CDH18: variants seen among roughly 807,000 people sequenced by gnomAD.
CDH18 encodes cadherin-18.
Under a neutral mutation model 67.9 loss-of-function variants are expected in CDH18, and 31 were observed. The observed-to-expected ratio is 0.46, with a 90% CI of 0.34 to 0.62. The LOEUF is 0.62. Ranked by LOEUF, CDH18 falls within the 20% of genes least tolerant of loss-of-function variation. CDH18 has a pLI of 0.01. For synonymous variants in CDH18, 362 were observed against 347.2 expected, an observed-to-expected ratio of 1.04 and a Z score of -0.48; for missense variants, 890 against 975.5, an observed-to-expected ratio of 0.91 and a Z score of 1.17.
At chr5:20,070,371 G>C (rs1027866342) in intron 2 of CDH18, among the ~76,000 whole-genome samples, 1 of 152,078 alleles carries the variant, frequency 6.6e-6, no homozygotes, top group African/African-American at 2.4e-5. Context: ...TTTTTGGTAA[G>C]ATTATTGTCT....
intron 10 of CDH18, among the ~76,000 whole-genome samples, chr5:19,518,712 T>C (rs1746419688): frequency 6.6e-6 from 1 of 152,168 alleles, no homozygotes; most frequent in South Asian, 2.1e-4. Context: ...GGCCACAGGC[T>C]GAAAGCTGCA....
At chr5:19,695,926 G>T (rs1476462284) in intron 5 of CDH18, among the ~76,000 whole-genome samples, 1 of 152,102 alleles carries the variant, frequency 6.6e-6, no homozygotes, top group East Asian at 1.9e-4. Context: ...CAAATAAGAT[G>T]ATCTATTTTG....
At chr5:19,881,540 C>A (rs1474546154) in intron 2 of CDH18, among the ~76,000 whole-genome samples, 4 of 145,638 alleles carry the variant, frequency 2.7e-5, no homozygotes, top group Admixed American at 2.1e-4. Context: ...TGGAGTTTCA[C>A]TCTTGTTAAC....
chr5:20,539,077 CAG>C lies in CDH18; in HGVS notation c.-580+36383_-580+36384del, dbSNP rs569707062. 7.0e-4 allele frequency among the ~76,000 whole-genome samples: 106 copies of C among 151,742 alleles called. 1 individual carries two copies. In the South Asian group the frequency reaches 0.011, roughly 15 times the overall value. On this transcript the variant is annotated intron_variant, in intron 1 of 14. Transcript: ENST00000507958. ...CTAATTTTTGTATTTTTAGTAGAGACAGAGTTTCACCATGTTGGCCACGCTGG... is the reference window on the plus strand; with the variant it reads ...CTAATTTTTGTATTTTTAGTAGAGACAGTTTCACCATGTTGGCCACGCTGG...
At chr5:19,955,483 T>G (rs906875147) in intron 2 of CDH18, among the ~76,000 whole-genome samples, 1 of 151,992 alleles carries the variant, frequency 6.6e-6, no homozygotes, top group African/African-American at 2.4e-5. Flanking sequence ...CTTCCCTGTA[T>G]GAATTTATTG....
chr5:19,670,798 T>G (rs1284728628), intron 5 of CDH18, among the ~76,000 whole-genome samples: 1 of 152,030 alleles, frequency 6.6e-6, no homozygotes, highest in African/African-American at 2.4e-5. Context: ...AATGTATTAT[T>G]AATGGGAATA....
intron 2 of CDH18, among the ~76,000 whole-genome samples, chr5:20,047,589 G>C (rs951721373): frequency 6.6e-6 from 1 of 151,720 alleles, no homozygotes; most frequent in African/African-American, 2.4e-5. Context: ...ACACTCAAAT[G>C]AGCAAACGTT....
At chr5:20,282,907 C>G (rs1322134856) in intron 1 of CDH18, among the ~76,000 whole-genome samples, 1 of 152,026 alleles carries the variant, frequency 6.6e-6, no homozygotes, top group African/African-American at 2.4e-5. Context: ...ATGATACTGG[C>G]ATAAAAACAG....
At chr5:20,450,426 T>C (rs1232364583) in intron 1 of CDH18, among the ~76,000 whole-genome samples, 2 of 152,226 alleles carry the variant, frequency 1.3e-5, no homozygotes, top group Admixed American at 1.3e-4. Flanking sequence ...TATTTTGTTT[T>C]AAGTACTGTC....
chr5:19,727,380 A>G (rs1237798103), intron 4 of CDH18, among the ~76,000 whole-genome samples: 1 of 152,132 alleles, frequency 6.6e-6, no homozygotes, highest in Non-Finnish European at 1.5e-5. Context: ...ACACAGGCAT[A>G]ACATCATGTG....
rs115237597 is a variant in CDH18 at position 20,017,757 on chromosome 5, T to A, written c.-517-25743A>T. On this transcript the variant is annotated intron_variant, in intron 2 of 14. Coordinates refer to the CDH18 transcript ENST00000507958. ...CACTAGGTAGGCCATATAATGTAAA[T>A]CAGAAAAAATGGAGCAGAATAGGAT... Among the ~76,000 whole-genome samples the A allele has an allele frequency of 3.1e-3, 474 of 152,170 alleles. 1 individual carries two copies. Among genetic ancestry groups the A allele is most frequent in the Non-Finnish European group, 4.4e-3 (298 of 67,978 alleles).
intron 2 of CDH18, among the ~76,000 whole-genome samples, chr5:20,039,836 A>C (rs1484795100): frequency 6.6e-6 from 1 of 152,214 alleles, no homozygotes; most frequent in East Asian, 1.9e-4. Context: ...CAAAAGCCAA[A>C]ATTGACAAAT....
intron 2 of CDH18, among the ~76,000 whole-genome samples, chr5:19,934,905 G>C (rs570459591): frequency 6.6e-6 from 1 of 151,222 alleles, no homozygotes; most frequent in African/African-American, 2.4e-5. Flanking sequence ...AATAAACCCA[G>C]ATAAAAAGAG....
intron 1 of CDH18, among the ~76,000 whole-genome samples, chr5:20,443,209 C>CAAAA (rs72353299): frequency 4.3e-3 from 335 of 77,316 alleles, no homozygotes; most frequent in East Asian, 8.9e-3. Flanking sequence ...GACTCCGTCA[C>CAAAA]AAAAAAAAAA....
At chr5:19,851,736 T>C (rs1783724939) in intron 2 of CDH18, among the ~76,000 whole-genome samples, 2 of 150,816 alleles carry the variant, frequency 1.3e-5, no homozygotes, top group African/African-American at 4.9e-5. Flanking sequence ...CTGGGGAATA[T>C]ATATGTGTGT....
chr5:20,092,722 G>C lies in CDH18; in HGVS notation c.-517-100708C>G, dbSNP rs1161435061. ...ATCATTTGCTTGCCATAGTTCAGCA[G>C]ATAAAGTATATTTTGATTTATTTTA... On this transcript the variant is annotated intron_variant, in intron 2 of 14. Transcript: ENST00000507958. 9.2e-5 allele frequency among the ~76,000 whole-genome samples: 14 copies of C among 152,030 alleles called. No homozygotes were observed. The South Asian group carries it at 2.9e-3, about 31-fold the overall frequency.
At chr5:19,692,777 T>C (rs1471558843) in intron 5 of CDH18, among the ~76,000 whole-genome samples, 1 of 151,856 alleles carries the variant, frequency 6.6e-6, no homozygotes, top group Non-Finnish European at 1.5e-5. Context: ...TATATACTCT[T>C]AGTTGGGATG....
chr5:20,181,348 G>T (rs1231113340), intron 2 of CDH18, among the ~76,000 whole-genome samples: 2 of 152,066 alleles, frequency 1.3e-5, no homozygotes, highest in African/African-American at 2.4e-5. Flanking sequence ...CATCCAGCTT[G>T]CAGGAAATAT....
At chr5:19,622,846 T>G (rs1750925955) in intron 5 of CDH18, among the ~76,000 whole-genome samples, 1 of 152,138 alleles carries the variant, frequency 6.6e-6, no homozygotes, top group Non-Finnish European at 1.5e-5. Flanking sequence ...TTACCCAGTA[T>G]TCCAAACCAA....
Sources: gnomAD v4.1 joint callset for allele counts (sites outside exome capture counted in the v4.1 genomes callset) on GRCh38, gnomAD v4.1.1 for gene constraint, MANE v1.5 for transcripts, NCBI Gene and HGNC (gene_info 2026-07-23, HGNC 2026-07-21) for gene names.